KIAA0825: variants seen among roughly 807,000 people sequenced by gnomAD.
The protein encoded by KIAA0825 is KIAA0825, also known as uncharacterized protein KIAA0825.
A neutral mutation model predicts 147.6 loss-of-function variants in KIAA0825; 119 were observed. The observed-to-expected ratio is 0.81, with a 90% CI of 0.69 to 0.94. The LOEUF (loss-of-function observed/expected upper bound fraction) is 0.94. Among genes scored for constraint, KIAA0825 ranks in the 40% least tolerant of loss-of-function variants. The pLI is 0.00. For missense variants in KIAA0825, 1,381 were observed against 1,472.7 expected (o/e 0.94, Z 1.02); for synonymous variants, 470 against 518.1 (o/e 0.91, Z 1.26).
intron 20 of KIAA0825, among the ~76,000 whole-genome samples, chr5:94,223,242 A>G (rs1024007340): frequency 2.6e-5 from 4 of 152,184 alleles, no homozygotes; most frequent in Non-Finnish European, 5.9e-5. Flanking sequence ...GGATGGTACT[A>G]CTAATAAAGA....
At chr5:94,292,467 A>G (rs1281652021) in intron 20 of KIAA0825, among the ~76,000 whole-genome samples, 3 of 152,158 alleles carry the variant, frequency 2.0e-5, no homozygotes, top group African/African-American at 4.8e-5. Flanking sequence ...CGACTTGATC[A>G]TGGTGGATAA....
At chr5:94,183,681 T>G (rs903262702) in intron 20 of KIAA0825, among the ~76,000 whole-genome samples, 1 of 151,938 alleles carries the variant, frequency 6.6e-6, no homozygotes, top group Non-Finnish European at 1.5e-5. Context: ...AATGACAGAG[T>G]GTGGGAGCTT....
chr5:94,591,688 A>C (rs1258290950), intron 1 of KIAA0825, among the ~76,000 whole-genome samples: 1 of 152,222 alleles, frequency 6.6e-6, no homozygotes, highest in Non-Finnish European at 1.5e-5. Flanking sequence ...ATGGTTTTTC[A>C]CATTAGAGAC....
chr5:94,587,916 G>C (rs909445361), intron 1 of KIAA0825, among the ~76,000 whole-genome samples: 2 of 152,026 alleles, frequency 1.3e-5, no homozygotes, highest in African/African-American at 4.8e-5. Flanking sequence ...TGATCTTTGA[G>C]AAATCTCACA....
At chr5:94,173,144 T>C (rs759854140) in intron 20 of KIAA0825, among the ~76,000 whole-genome samples, 2 of 150,884 alleles carry the variant, frequency 1.3e-5, no homozygotes, top group Non-Finnish European at 2.9e-5. Flanking sequence ...ATGCTCTTTC[T>C]GTTACCAGGG....
intron 20 of KIAA0825, among the ~76,000 whole-genome samples, chr5:94,243,806 G>T (rs923263168): frequency 6.6e-6 from 1 of 152,046 alleles, no homozygotes; most frequent in Non-Finnish European, 1.5e-5. Context: ...TGTCCCTACC[G>T]CAGGCTTTCT....
intron 5 of KIAA0825, among the ~76,000 whole-genome samples, chr5:94,512,873 G>A (rs1276044930): frequency 6.6e-6 from 1 of 152,088 alleles, no homozygotes; most frequent in African/African-American, 2.4e-5. Context: ...TCCAGCCTGA[G>A]CGATAGAGCG....
At chr5:94,387,873 T>A (rs1372579255) in intron 18 of KIAA0825, among the ~76,000 whole-genome samples, 1 of 152,120 alleles carries the variant, frequency 6.6e-6, no homozygotes, top group East Asian at 1.9e-4. Context: ...CTGTGCTTTT[T>A]TCTGTGCCTC....
chr5:94,561,710 C>T, intron 2 of KIAA0825, among the ~76,000 whole-genome samples: 1 of 152,152 alleles, frequency 6.6e-6, no homozygotes. Flanking sequence ...GTTTTATATA[C>T]ATATAGTTCC....
In KIAA0825 at chr5:94,548,942, A is replaced by G. The variant is rs570222033; in HGVS notation, c.-1-11815T>C. Among the ~76,000 whole-genome samples, 5 of 152,320 alleles carry G rather than the reference A, an allele frequency of 3.3e-5. No homozygotes were observed. In the South Asian group the frequency reaches 1.0e-3, roughly 32 times the overall value. ...CCAGATATTATAATAAGCAAATATT[A>G]TTAGAGCTAAAGAGAGAGAGAGACC... On this transcript the variant is annotated intron_variant, in intron 2 of 20. Coordinates refer to ENST00000682413, the MANE Select transcript of KIAA0825 (RefSeq NM_001145678.3).
chr5:94,543,356 T>C (rs767922942), intron 2 of KIAA0825, among the ~76,000 whole-genome samples: 3 of 152,122 alleles, frequency 2.0e-5, no homozygotes, highest in South Asian at 2.1e-4. Flanking sequence ...GGCAGGAGAA[T>C]TGCTTGAGCC....
chr5:94,602,579 C>G (rs1056563627), intron 1 of KIAA0825, among the ~76,000 whole-genome samples: 1 of 152,094 alleles, frequency 6.6e-6, no homozygotes, highest in Non-Finnish European at 1.5e-5. Context: ...TCATGCTGTT[C>G]TCATGATAGT....
chr5:94,564,087 T>C (rs1778098537), intron 2 of KIAA0825, among the ~76,000 whole-genome samples: 2 of 152,152 alleles, frequency 1.3e-5, no homozygotes, highest in Non-Finnish European at 2.9e-5. Flanking sequence ...TACTTGACAC[T>C]AGTTCCGCTT....
chr5:94,403,484 T>C (rs1350182947), intron 16 of KIAA0825, 85 bp downstream of exon 16: 1 of 970,804 alleles, frequency 1.0e-6, no homozygotes, highest in South Asian at 1.6e-5. Context: ...ATCATTCTTA[T>C]AAATTTTAGA....
chr5:94,593,627 C>T (rs1784740087), intron 1 of KIAA0825: 2 of 479,656 alleles, frequency 4.2e-6, no homozygotes, highest in Non-Finnish European at 7.9e-6. Context: ...AACGAGTAAG[C>T]CCTGGTAGTG....
At chr5:94,427,759 C>T (rs1405301334) in intron 14 of KIAA0825, among the ~76,000 whole-genome samples, 1 of 151,944 alleles carries the variant, frequency 6.6e-6, no homozygotes, top group Non-Finnish European at 1.5e-5. Flanking sequence ...TGTTGAACTC[C>T]CCCACTATTT....
intron 2 of KIAA0825, among the ~76,000 whole-genome samples, chr5:94,559,160 G>A (rs1244980899): frequency 6.6e-5 from 10 of 152,032 alleles, no homozygotes; most frequent in African/African-American, 1.7e-4. Context: ...TTCCCTACAC[G>A]TGTATTCTTT....
chr5:94,503,269 C>T (rs1305922808), intron 5 of KIAA0825, among the ~76,000 whole-genome samples: 1 of 151,902 alleles, frequency 6.6e-6, no homozygotes, highest in Admixed American at 6.6e-5. Context: ...AAATGAATTC[C>T]CTATAACACT....
chr5:94,185,198 T>C (rs546605381), intron 20 of KIAA0825, among the ~76,000 whole-genome samples: 1 of 152,342 alleles, frequency 6.6e-6, no homozygotes, highest in Admixed American at 6.5e-5. Flanking sequence ...AGAGTCAGTA[T>C]GGGATCCTGG....
Sources: allele counts gnomAD v4.1 joint callset (sites outside exome capture counted in the v4.1 genomes callset), GRCh38; gene constraint gnomAD v4.1.1; transcripts MANE v1.5; gene names NCBI Gene and HGNC (gene_info 2026-07-23, HGNC 2026-07-21).